Variants in FNDC3B observed in about 807,000 individuals in gnomAD.
FNDC3B encodes the protein fibronectin type III domain containing 3B, also known as fibronectin type III domain-containing protein 3B.
FNDC3B carries 12 observed loss-of-function variants against 151.5 expected under a neutral mutation model. That is an observed-to-expected ratio of 0.08 (90% confidence interval 0.05 to 0.13). The LOEUF (loss-of-function observed/expected upper bound fraction) is 0.13. Among genes scored for constraint, FNDC3B ranks in the 10% least tolerant of loss-of-function variants. The pLI is 1.00. For missense variants in FNDC3B, 1,214 were observed against 1,505.3 expected, an observed-to-expected ratio of 0.81 and a Z score of 3.20; for synonymous variants, 528 against 549.0, an observed-to-expected ratio of 0.96 and a Z score of 0.54.
At chr3:172,136,365 A>G (rs1274516111) in intron 3 of FNDC3B, among the ~76,000 whole-genome samples, 2 of 152,202 alleles carry the variant, frequency 1.3e-5, no homozygotes, top group Non-Finnish European at 2.9e-5. Context: ...TGACTAGCAG[A>G]CAGTGTGATG....
intron 3 of FNDC3B, among the ~76,000 whole-genome samples, chr3:172,158,446 C>T (rs1043088923): frequency 5.3e-5 from 8 of 152,116 alleles, no homozygotes; most frequent in South Asian, 2.1e-4. Context: ...ATTTGCCTTC[C>T]GTATCTCCTC....
chr3:172,215,368 C>T (rs558117068), intron 3 of FNDC3B, among the ~76,000 whole-genome samples: 17 of 152,310 alleles, frequency 1.1e-4, no homozygotes, highest in African/African-American at 3.6e-4. Context: ...CATCTCTGTT[C>T]CCTTTCATAA....
intron 19 of FNDC3B, among the ~76,000 whole-genome samples, chr3:172,344,818 G>T (rs1358872488): frequency 6.6e-6 from 1 of 152,222 alleles, no homozygotes; most frequent in Non-Finnish European, 1.5e-5. Context: ...TATCCATAAA[G>T]GTTGTTGTCC....
chr3:172,194,008 C>T (rs1048349775), intron 3 of FNDC3B, among the ~76,000 whole-genome samples: 1 of 152,056 alleles, frequency 6.6e-6, no homozygotes, highest in African/African-American at 2.4e-5. Context: ...ATCACAAGGT[C>T]AGGAGATTGA....
intron 25 of FNDC3B, among the ~76,000 whole-genome samples, chr3:172,393,420 A>G (rs183868840): frequency 7.9e-5 from 12 of 152,346 alleles, no homozygotes; most frequent in Non-Finnish European, 1.3e-4. Flanking sequence ...ATACAATAAT[A>G]GTAGGAGACT....
chr3:172,260,186 A>T (rs544534149), intron 6 of FNDC3B, among the ~76,000 whole-genome samples: 12 of 152,370 alleles, frequency 7.9e-5, no homozygotes, highest in African/African-American at 2.2e-4. Context: ...TGTTTCTGGT[A>T]TATTTGTAAC....
At chr3:172,163,954 G>C (rs971985061) in intron 3 of FNDC3B, among the ~76,000 whole-genome samples, 9 of 152,340 alleles carry the variant, frequency 5.9e-5, no homozygotes, top group Admixed American at 5.2e-4. Flanking sequence ...TGCTTCTGTA[G>C]CAGTATCTCA....
At chr3:172,159,364 TA>T (rs1378274757) in intron 3 of FNDC3B, among the ~76,000 whole-genome samples, 5 of 152,236 alleles carry the variant, frequency 3.3e-5, no homozygotes, top group African/African-American at 1.2e-4. Context: ...GTGATCACTG[TA>T]TCCCTCCTCC....
At chr3:172,165,823 T>C (rs959988623) in intron 3 of FNDC3B, among the ~76,000 whole-genome samples, 1 of 152,236 alleles carries the variant, frequency 6.6e-6, no homozygotes, top group Non-Finnish European at 1.5e-5. Flanking sequence ...ACACGAATGT[T>C]CACTCTCTTG....
chr3:172,362,908 A>C, intron 23 of FNDC3B, 63 bp downstream of exon 23: 4 of 1,293,942 alleles, frequency 3.1e-6, no homozygotes, highest in Non-Finnish European at 4.4e-6. Context: ...ATGAAATCTC[A>C]ATTGTACATT....
At chr3:172,078,456 T>G (rs1397425735) in intron 1 of FNDC3B, among the ~76,000 whole-genome samples, 1 of 152,204 alleles carries the variant, frequency 6.6e-6, no homozygotes, top group Non-Finnish European at 1.5e-5. Flanking sequence ...GTTTAGGGGC[T>G]GTTGCAATGT....
intron 6 of FNDC3B, among the ~76,000 whole-genome samples, chr3:172,269,621 T>G (rs1729093711): frequency 6.6e-6 from 1 of 151,828 alleles, no homozygotes; most frequent in Non-Finnish European, 1.5e-5. Flanking sequence ...ATCTGTGTGG[T>G]TTTTTTGTTT....
chr3:172,280,585 G>T (rs1729658520), intron 6 of FNDC3B, among the ~76,000 whole-genome samples: 1 of 152,188 alleles, frequency 6.6e-6, no homozygotes. Flanking sequence ...TAGACAGAAG[G>T]TTTAGAGAGA....
intron 3 of FNDC3B, among the ~76,000 whole-genome samples, chr3:172,219,526 A>G (rs1407106678): frequency 6.6e-6 from 1 of 152,178 alleles, no homozygotes; most frequent in Non-Finnish European, 1.5e-5. Context: ...ACCTATTCAC[A>G]ATGTTATGCA....
intron 3 of FNDC3B, among the ~76,000 whole-genome samples, chr3:172,162,745 G>A (rs374986989): frequency 2.7e-4 from 41 of 151,662 alleles, no homozygotes; most frequent in East Asian, 2.3e-3. Flanking sequence ...CCAGGGATCG[G>A]CATTCACATA....
At chr3:172,110,081 T>G (rs766108622) in intron 1 of FNDC3B, among the ~76,000 whole-genome samples, 7 of 152,202 alleles carry the variant, frequency 4.6e-5, no homozygotes, top group Non-Finnish European at 7.3e-5. Flanking sequence ...GGGGTTGGAT[T>G]GCTATGTCTC....
At chr3:172,243,924 C>G (rs1576832778) in intron 4 of FNDC3B, among the ~76,000 whole-genome samples, 1 of 152,178 alleles carries the variant, frequency 6.6e-6, no homozygotes, top group African/African-American at 2.4e-5. Context: ...GCATAATGAT[C>G]TTTTCCAAGG....
chr3:172,121,096 G>GTCCA (rs1192511925), intron 2 of FNDC3B, among the ~76,000 whole-genome samples: 1 of 152,154 alleles, frequency 6.6e-6, no homozygotes, highest in Non-Finnish European at 1.5e-5. Context: ...TGCCTACTCT[G>GTCCA]TCCACTTCAC....
intron 3 of FNDC3B, among the ~76,000 whole-genome samples, chr3:172,149,038 C>T (rs1722076971): frequency 6.6e-6 from 1 of 152,180 alleles, no homozygotes; most frequent in Admixed American, 6.5e-5. Context: ...AAAAGTAGCT[C>T]TGGATAATGT....
Sources: gnomAD v4.1 joint callset for allele counts (sites outside exome capture counted in the v4.1 genomes callset) on GRCh38, gnomAD v4.1.1 for gene constraint, MANE v1.5 for transcripts, NCBI Gene and HGNC (gene_info 2026-07-23, HGNC 2026-07-21) for gene names.